The following TECRL variants were observed in gnomAD, a reference collection of about 807,000 sequenced individuals.
TECRL encodes trans-2,3-enoyl-CoA reductase like.
Under a neutral mutation model 52.8 loss-of-function variants are expected in TECRL, and 63 were observed. That is an observed-to-expected ratio of 1.19 (90% confidence interval 0.97 to 1.47). TECRL has a LOEUF of 1.47. TECRL is among the 40% of genes most tolerant of loss of function. The pLI is 0.00. For missense variants in TECRL, 482 were observed against 429.6 expected (o/e 1.12, Z -1.08); for synonymous variants, 164 against 141.9 (o/e 1.16, Z -1.10).
chr4:64,375,264 T>A (rs760712981), intron 1 of TECRL, 41 bp from the exon 2 acceptor site: 5 of 1,070,552 alleles, frequency 4.7e-6, no homozygotes, highest in Non-Finnish European at 6.4e-6. Flanking sequence ...TAAAAACTGT[T>A]AATTTGTTTT....
intron 9 of TECRL, among the ~76,000 whole-genome samples, chr4:64,281,770 T>A (rs966370608): frequency 6.6e-6 from 1 of 151,970 alleles, no homozygotes. Context: ...GTCATTTTCA[T>A]ACCATGTCTA....
intron 2 of TECRL, among the ~76,000 whole-genome samples, chr4:64,355,534 C>T (rs565494396): frequency 7.9e-4 from 120 of 152,150 alleles, no homozygotes; most frequent in African/African-American, 2.8e-3. Flanking sequence ...CACCGTGGCT[C>T]ACGCCTGTAA....
intron 2 of TECRL, among the ~76,000 whole-genome samples, chr4:64,356,722 T>G (rs79137860): frequency 6.6e-6 from 1 of 151,804 alleles, no homozygotes; most frequent in Admixed American, 6.6e-5. Context: ...GACCAATGCG[T>G]TAGCAGGTCC....
chr4:64,307,981 G>A (rs561060007), intron 6 of TECRL, among the ~76,000 whole-genome samples: 5 of 152,254 alleles, frequency 3.3e-5, no homozygotes, highest in African/African-American at 9.6e-5. Context: ...GAGGACTTAC[G>A]AAGTACTAGA....
At chr4:64,374,596 G>A (rs1722254999) in intron 2 of TECRL, among the ~76,000 whole-genome samples, 2 of 149,284 alleles carry the variant, frequency 1.3e-5, no homozygotes, top group Admixed American at 6.7e-5. Context: ...GGTGTGTGAT[G>A]TTCCCCTTCC....
At position 64,372,150 on chromosome 4, in the gene TECRL, C is replaced by T. The variant is rs186481179; in HGVS notation, c.286+3022G>A. 9.2e-5 allele frequency among the ~76,000 whole-genome samples: 14 copies of T among 151,704 alleles called. No homozygotes were observed. In the South Asian group the frequency reaches 2.5e-3, roughly 27 times the overall value. ...AGAGCATGATATAAAGGTACATTAG[C>T]GTGAAAATTTCTTAAGCTCTCTAGA... On this transcript the variant is annotated intron_variant, in intron 2 of 11. Transcript: ENST00000381210.
intron 1 of TECRL, among the ~76,000 whole-genome samples, chr4:64,390,103 G>A (rs1723446732): frequency 6.6e-6 from 1 of 151,798 alleles, no homozygotes; most frequent in Non-Finnish European, 1.5e-5. Context: ...GCCTGTTACA[G>A]GTCTCACTTA....
At chr4:64,383,390 T>C (rs1253148705) in intron 1 of TECRL, among the ~76,000 whole-genome samples, 1 of 152,120 alleles carries the variant, frequency 6.6e-6, no homozygotes, top group Non-Finnish European at 1.5e-5. Flanking sequence ...AACACTCAAA[T>C]TTTGAATATT....
intron 8 of TECRL, among the ~76,000 whole-genome samples, chr4:64,297,689 A>G (rs1577823555): frequency 2.0e-5 from 3 of 151,332 alleles, no homozygotes; most frequent in African/African-American, 7.2e-5. Flanking sequence ...AAACATACAT[A>G]CATATATATT....
At chr4:64,375,287 G>GA (rs890113703) in intron 1 of TECRL, 64 bp from the exon 2 acceptor site, 32 of 894,326 alleles carry the variant, frequency 3.6e-5, no homozygotes, top group South Asian at 7.1e-5. Flanking sequence ...ATCCATTTAA[G>GA]AAAAAAAAGT....
intron 2 of TECRL, among the ~76,000 whole-genome samples, chr4:64,372,187 G>T (rs1422477089): frequency 1.3e-5 from 2 of 151,712 alleles, no homozygotes; most frequent in Non-Finnish European, 3.0e-5. Flanking sequence ...GAGACTTGAA[G>T]ATGCAAACAA....
Position 64,306,952 on chromosome 4 carries a change from G to C in TECRL, c.658-1714C>G, listed in dbSNP as rs116552909. Among the ~76,000 whole-genome samples, 709 of 152,308 alleles carry C rather than the reference G, an allele frequency of 4.7e-3. 3 individuals carry two copies. The highest frequency in any genetic ancestry group is 0.016 in the African/African-American group (671 of 41,566). On this transcript the variant is annotated intron_variant, in intron 6 of 11. Transcript: ENST00000381210. ...CAAACTTTGCCAAGGTGCCTGACAA[G>C]GCAAAGATTTGTTTCTGTGGAGAGC... is the stretch of plus-strand genomic sequence containing the variant.
intron 9 of TECRL, among the ~76,000 whole-genome samples, chr4:64,282,992 T>C (rs7657274): frequency 0.97 from 147,070 of 151,930 alleles, 71,163 homozygotes; most frequent in East Asian, 1. Flanking sequence ...AGGTTTATTC[T>C]ATTTCTTCAG....
chr4:64,382,336 T>TAC (rs999502579), intron 1 of TECRL, among the ~76,000 whole-genome samples: 1 of 145,050 alleles, frequency 6.9e-6, no homozygotes, highest in Non-Finnish European at 1.5e-5. Flanking sequence ...TATATATATA[T>TAC]ACACACACAT....
chr4:64,406,147 G>GGCGCGCGCGCGC (rs67324937), intron 1 of TECRL, among the ~76,000 whole-genome samples: 1 of 146,564 alleles, frequency 6.8e-6, no homozygotes, highest in Non-Finnish European at 1.5e-5. Context: ...TTATTTGTTA[G>GGCGCGCGCGCGC]GCGCGCGCGC....
chr4:64,283,226 T>G (rs777702392), intron 9 of TECRL, among the ~76,000 whole-genome samples: 5 of 152,066 alleles, frequency 3.3e-5, no homozygotes, highest in Admixed American at 2.0e-4. Context: ...ATTTCCTACC[T>G]AAATATGATT....
chr4:64,377,583 C>T (rs1344727653), intron 1 of TECRL, among the ~76,000 whole-genome samples: 2 of 151,864 alleles, frequency 1.3e-5, no homozygotes, highest in African/African-American at 4.8e-5. Flanking sequence ...AATGTTTCTT[C>T]CTCTTAAAAG....
At chr4:64,301,726 C>T (rs1351656179) in intron 7 of TECRL, among the ~76,000 whole-genome samples, 1 of 151,022 alleles carries the variant, frequency 6.6e-6, no homozygotes, top group East Asian at 1.9e-4. Context: ...AATGAATGCA[C>T]ATTAGTATAG....
intron 8 of TECRL, among the ~76,000 whole-genome samples, chr4:64,298,503 CAT>C (rs1460911572): frequency 3.3e-5 from 5 of 151,000 alleles, no homozygotes; most frequent in Admixed American, 2.0e-4. Flanking sequence ...AATATTATAA[CAT>C]ATTTATAGTA....
Sources: allele counts gnomAD v4.1 joint callset (sites outside exome capture counted in the v4.1 genomes callset), GRCh38; gene constraint gnomAD v4.1.1; transcripts MANE v1.5; gene names NCBI Gene and HGNC (gene_info 2026-07-23, HGNC 2026-07-21).